SPATA13: variants seen among roughly 807,000 people sequenced by gnomAD.
The protein encoded by SPATA13 is spermatogenesis-associated protein 13.
A neutral mutation model predicts 104.0 loss-of-function variants in SPATA13; 50 were observed. The ratio of observed to expected loss-of-function variants is 0.48; its 90% CI spans 0.38 to 0.61. The LOEUF (loss-of-function observed/expected upper bound fraction) is 0.61, where lower values mean the gene tolerates loss of function less well. Among genes scored for constraint, SPATA13 ranks in the 20% least tolerant of loss-of-function variants. The probability of loss-of-function intolerance (pLI) is 0.00; values close to 1 mark genes in which losing one functional copy is unlikely to be tolerated. For missense variants in SPATA13, 1,524 were observed against 1,690.6 expected (o/e 0.90, Z 1.73); for synonymous variants, 606 against 667.5 (o/e 0.91, Z 1.42).
In SPATA13 at chr13:24,241,026, G is replaced by A. The variant is rs73465829; in HGVS notation, c.1654-8451G>A. The stretch of plus-strand genomic sequence containing the variant: ...GGAGACTCTTTAAAAATGATGTCAC[G>A]ATTACTGACATGCATGTCACCCCAT... On this transcript the variant is annotated intron_variant, in intron 2 of 12. Transcript: ENST00000382108. 3.3e-3 allele frequency among the ~76,000 whole-genome samples: 498 copies of A among 152,180 alleles called. 3 individuals are homozygous for A. Among genetic ancestry groups the A allele is most frequent in the African/African-American group, 0.012 (484 of 41,526 alleles).
rs182314751 is a variant in SPATA13 at position 24,163,486 on chromosome 13, T to G, written c.-112+2554T>G. ...ATTGAGAGTTCCGTTTCACTTTAGC[T>G]GGACAGATCTTTATGGTCTCTGTTA... is the stretch of plus-strand genomic sequence containing the variant. On this transcript the variant is annotated intron_variant, in intron 1 of 12. Transcript: ENST00000382108. 1.6e-4 allele frequency among the ~76,000 whole-genome samples: 25 copies of G among 152,374 alleles called. No individual in the cohort carries two copies. The East Asian group carries it at 4.2e-3, about 26-fold the overall frequency.
intron 3 of SPATA13, chr13:24,123,745 C>T: frequency 3.4e-6 from 5 of 1,483,708 alleles, no homozygotes; most frequent in South Asian, 1.1e-5. Context: ...AAAATAACAT[C>T]TTGGATAATG....
At chr13:24,067,243 C>T (rs1878997029) in intron 3 of SPATA13, among the ~76,000 whole-genome samples, 9 of 152,190 alleles carry the variant, frequency 5.9e-5, no homozygotes. Context: ...TCAGTTATGA[C>T]TTCCATGAAT....
chr13:24,138,931 T>C (rs1216685604), intron 3 of SPATA13, among the ~76,000 whole-genome samples: 2 of 152,152 alleles, frequency 1.3e-5, no homozygotes, highest in African/African-American at 4.8e-5. Context: ...TGGAGTATTA[T>C]TCAATTTTAA....
At chr13:24,102,324 G>A (rs760489661) in intron 3 of SPATA13, among the ~76,000 whole-genome samples, 1 of 151,970 alleles carries the variant, frequency 6.6e-6, no homozygotes, top group Non-Finnish European at 1.5e-5. Flanking sequence ...TTTAAATTGG[G>A]TTATTTGTTT....
chr13:24,204,042 T>C (rs761439122), intron 1 of SPATA13, among the ~76,000 whole-genome samples: 3 of 152,100 alleles, frequency 2.0e-5, no homozygotes, highest in Admixed American at 2.0e-4. Flanking sequence ...AGCTGCTTGG[T>C]TTAATATAGT....
intron 1 of SPATA13, among the ~76,000 whole-genome samples, chr13:24,181,850 T>TA (rs57060476): frequency 0.91 from 138,171 of 151,422 alleles, 63,946 homozygotes; most frequent in Non-Finnish European, 0.99. Flanking sequence ...TGTGGTGGCT[T>TA]ACACCTATAA....
intron 3 of SPATA13, among the ~76,000 whole-genome samples, chr13:24,106,083 G>A (rs1309484223): frequency 6.6e-6 from 1 of 152,190 alleles, no homozygotes; most frequent in Non-Finnish European, 1.5e-5. Context: ...ACTCAGGCTG[G>A]AGTGCAGTGG....
At chr13:24,025,891 G>A (rs9507217) in intron 3 of SPATA13, among the ~76,000 whole-genome samples, 5,384 of 150,102 alleles carry the variant, frequency 0.036, 310 homozygotes, top group African/African-American at 0.12. Context: ...TACAACCTCC[G>A]CCTCCCAGGT....
At chr13:24,167,911 A>G (rs1440726368) in intron 1 of SPATA13, among the ~76,000 whole-genome samples, 5 of 152,214 alleles carry the variant, frequency 3.3e-5, no homozygotes, top group African/African-American at 1.2e-4. Flanking sequence ...CTGAGCTCAC[A>G]GTTTTATCCC....
chr13:24,104,539 T>C (rs1880375645), intron 3 of SPATA13, among the ~76,000 whole-genome samples: 1 of 152,172 alleles, frequency 6.6e-6, no homozygotes, highest in African/African-American at 2.4e-5. Context: ...ATACAAGGCA[T>C]CCCTTAGAGA....
intron 1 of SPATA13, among the ~76,000 whole-genome samples, chr13:24,169,077 C>G (rs956884514): frequency 1.3e-5 from 2 of 152,138 alleles, no homozygotes; most frequent in African/African-American, 2.4e-5. Context: ...TACTAAAGAG[C>G]CTGCTTGTGT....
Position 24,281,473 on chromosome 13 carries a change from G to A in SPATA13, c.2165-2662G>A, listed in dbSNP as rs887271962. 5.9e-5 allele frequency among the ~76,000 whole-genome samples: 9 copies of A among 152,292 alleles called. No individual in the cohort carries two copies. In the South Asian group the frequency reaches 1.2e-3, roughly 21 times the overall value. Reference sequence around the variant, plus strand: ...GCTGCTCCAAGGTTCCCTGGCTGTCGCGGTGTCCGGCGCACCTGTCTGGGT... The same window carrying A: ...GCTGCTCCAAGGTTCCCTGGCTGTCACGGTGTCCGGCGCACCTGTCTGGGT... On this transcript the variant is annotated intron_variant, in intron 4 of 12. Transcript: ENST00000382108.
chr13:24,251,689 T>A, intron 3 of SPATA13, 29 bp from the exon 4 acceptor site: 1 of 1,611,830 alleles, frequency 6.2e-7, no homozygotes, highest in Non-Finnish European at 8.5e-7. Context: ...TCCTGGTACC[T>A]CCTCACAGAT....
At chr13:24,079,048 A>G (rs9551056) in intron 3 of SPATA13, among the ~76,000 whole-genome samples, 32,415 of 152,072 alleles carry the variant, frequency 0.21, 3,689 homozygotes, top group South Asian at 0.4. Context: ...CCTAACCAGA[A>G]AATTGGAGAG....
At chr13:24,300,238 T>G (rs1877088315) in intron 11 of SPATA13, among the ~76,000 whole-genome samples, 163 bp from the exon 12 acceptor site, 1 of 152,302 alleles carries the variant, frequency 6.6e-6, no homozygotes, top group East Asian at 1.9e-4. Context: ...CCTTGTGACT[T>G]CCCCTTTTCT....
At chr13:24,285,068 C>T (rs962001978) in intron 5 of SPATA13, among the ~76,000 whole-genome samples, 4 of 152,012 alleles carry the variant, frequency 2.6e-5, no homozygotes, top group South Asian at 2.1e-4. Flanking sequence ...TTGAGCAGAA[C>T]GTGTGGAGCA....
intron 3 of SPATA13, among the ~76,000 whole-genome samples, chr13:24,078,204 C>G (rs2137774510): frequency 6.6e-6 from 1 of 152,276 alleles, no homozygotes; most frequent in African/African-American, 2.4e-5. Context: ...AGCCAAGAGA[C>G]TTGGTGCTGC....
At chr13:24,214,899 A>G (rs1446789807) in intron 1 of SPATA13, among the ~76,000 whole-genome samples, 2 of 152,228 alleles carry the variant, frequency 1.3e-5, no homozygotes, top group East Asian at 3.8e-4. Context: ...AACTTCTCGC[A>G]AAAGTCAGAA....
Sources: allele counts gnomAD v4.1 joint callset (sites outside exome capture counted in the v4.1 genomes callset), GRCh38; gene constraint gnomAD v4.1.1; transcripts MANE v1.5; gene names NCBI Gene and HGNC (gene_info 2026-07-23, HGNC 2026-07-21).